ANKLE1: variants seen among roughly 807,000 people sequenced by gnomAD.
The protein encoded by ANKLE1 is ankyrin repeat and LEM domain containing 1, also known as structure-specific endonuclease ANKLE1.
In ANKLE1, 59 loss-of-function variants were observed where a neutral mutation model predicts 56.2. The ratio of observed to expected loss-of-function variants is 1.05; its 90% CI spans 0.85 to 1.30. The LOEUF is 1.30. Ranked by LOEUF, ANKLE1 falls within the 50% of genes most tolerant of loss-of-function variation. ANKLE1 has a pLI of 0.00. For synonymous variants in ANKLE1, 341 were observed against 352.9 expected, an observed-to-expected ratio of 0.97 and a Z score of 0.38; for missense variants, 771 against 816.1, an observed-to-expected ratio of 0.94 and a Z score of 0.67.
chr19:17,283,367 C>A lies in ANKLE1; in HGVS notation c.603C>A (p.Asp201Glu), dbSNP rs778162392. Residue 201 changes from aspartate to glutamate, a missense_variant, in exon 5 of 9, where the codon GAC becomes GAA. Physicochemically the swap from Asp to Glu is conservative, Grantham distance 45 (BLOSUM62 2). Transcript: ENST00000404085. ...PSLPVPLETVDKHGSSASPPG... is the reference protein window; with the variant it reads ...PSLPVPLETVEKHGSSASPPG... ...TCCCTGTTCCCCTTGAAACTGTGGA[C>A]AAACATGGGAGCTCGGCGTCCCCTC... The A allele has an allele frequency of 5.5e-5, 89 of 1,613,622 alleles. No homozygotes were observed. Among genetic ancestry groups the A allele is most frequent in the Non-Finnish European group, 7.4e-5 (87 of 1,179,890 alleles).
At chr19:17,285,072 CA>C (rs1205392752) in intron 6 of ANKLE1, among the ~76,000 whole-genome samples, 1 of 151,950 alleles carries the variant, frequency 6.6e-6, no homozygotes, top group Non-Finnish European at 1.5e-5. Context: ...CCAGCGTGTT[CA>C]ACGTGGAGAA....
At position 17,287,103 on chromosome 19, in the gene ANKLE1, T is replaced by C. The variant is rs1212458498; in HGVS notation, c.*551T>C. 1 of 152,882 alleles carries C rather than the reference T, an allele frequency of 6.5e-6. No individual in the cohort carries two copies. The highest frequency in any genetic ancestry group is 2.4e-5 in the African/African-American group (1 of 41,442). The allele number at this position is 152,882 out of a possible 1,614,324, so 9.5% of individuals were successfully genotyped here. On this transcript the variant is annotated 3_prime_UTR_variant, in exon 9 of 9. Transcript: ENST00000404085. ...AAGAGTGACCTCTGGTCGTCCTCAT[T>C]GCTACACTCCCACCAGCGCCATGAC...
intron 8 of ANKLE1, 79 bp from the exon 9 acceptor site, chr19:17,286,301 C>T (rs897621896): frequency 1.0e-5 from 15 of 1,495,096 alleles, no homozygotes; most frequent in Middle Eastern, 2.5e-4. Context: ...CATACCCAGC[C>T]GCCTGCTGTC....
chr19:17,286,396 C>A lies in ANKLE1; in HGVS notation c.1692C>A (p.Thr564=). 6.3e-7 allele frequency: 1 copy of A among 1,574,990 alleles called. No homozygotes were observed. The highest frequency in any genetic ancestry group is 1.1e-5 in the South Asian group (1 of 87,158). The part of the protein sequence containing the change: ...IVEALGIQTL[T]NQKQGHCYGV... ...TTTCTCCAGGGATCCAGACGCTCAC[C>A]AACCAGAAGCAAGGGCACTGCTATG... Residue 564 remains threonine (T), a synonymous_variant, in exon 9 of 9, where the codon ACC becomes ACA. Transcript: ENST00000404085.
rs68096250 is a variant in ANKLE1 at position 17,286,668 on chromosome 19, G to GTT, written c.*117_*118insTT. 1,547 of 1,255,462 alleles carry GTT rather than the reference G, an allele frequency of 1.2e-3. 24 individuals carry two copies. In the African/African-American group the frequency reaches 0.022, roughly 18 times the overall value. The allele number at this position is 1,255,462 out of a possible 1,614,324, so 77.8% of individuals were successfully genotyped here. A position where few individuals can be genotyped will look rare whatever the true frequency, so the allele number is the denominator to read the frequency against. ...AAGGGGTGTGTGTGTGTGTGTGTGT[G>GTT]TGTGTGTGTGTGTGTGTGTGTGTTT... is the stretch of plus-strand genomic sequence containing the variant. On this transcript the variant is annotated 3_prime_UTR_variant, in exon 9 of 9. Coordinates refer to ENST00000404085, the MANE Select transcript of ANKLE1 (RefSeq NM_152363.6).
rs2074044347 is a variant in ANKLE1 at position 17,287,212 on chromosome 19, C to T, written c.*660C>T. On this transcript the variant is annotated 3_prime_UTR_variant, in exon 9 of 9. Transcript: ENST00000404085. ...TTGGGAGGCCAAGGAGGGCAGATCA[C>T]CTAAGGTCAGGAGTTCAAGACCAGC... The T allele has an allele frequency of 6.6e-6, 1 of 152,210 alleles. No individual in the cohort carries two copies. Among genetic ancestry groups the T allele is most frequent in the African/African-American group, 2.4e-5 (1 of 41,428 alleles). 9.4% of individuals were successfully genotyped at this position (152,210 alleles called of 1,614,324 possible).
At chr19:17,283,147 C>T (rs1186912031) in intron 4 of ANKLE1, 78 bp from the exon 5 acceptor site, 12 of 1,554,034 alleles carry the variant, frequency 7.7e-6, no homozygotes, top group Non-Finnish European at 1.7e-6. Context: ...ACTCTGATCT[C>T]CTTTTTCTGT....
chr19:17,282,230 G>A (rs1395660415), intron 2 of ANKLE1, 21 bp downstream of exon 2: 8 of 1,465,366 alleles, frequency 5.5e-6, no homozygotes, highest in African/African-American at 1.4e-5. Flanking sequence ...GCCTGGGTCC[G>A]GGGCGGGGTC....
chr19:17,282,289 G>C (rs1332144797), intron 2 of ANKLE1, 80 bp downstream of exon 2: 1 of 1,285,712 alleles, frequency 7.8e-7, no homozygotes, highest in African/African-American at 3.6e-5. Flanking sequence ...CCATCATCCC[G>C]GGCCAGGCCT....
rs2073999717 is a variant in ANKLE1 at position 17,283,598 on chromosome 19, G to T, written c.834G>T (p.Leu278=). 2 of 1,612,160 alleles carry T rather than the reference G, an allele frequency of 1.2e-6. No homozygotes were observed. Among genetic ancestry groups the T allele is most frequent in the East Asian group, 4.5e-5 (2 of 44,846 alleles). ...AACTGAATGCCCGTCTGCAGGCCCT[G>T]ACTCTGACCCCACCAAATGCTGCTG... is the stretch of plus-strand genomic sequence containing the variant. ...EAELNARLQA[L]TLTPPNAAGF... is the part of the protein sequence containing the mutation. The change falls in exon 5 of 9, where the codon CTG becomes CTT. Residue 278 remains leucine (L), a synonymous_variant. Transcript: ENST00000404085.
chr19:17,282,324 G>C (rs1180425096), intron 2 of ANKLE1, 115 bp downstream of exon 2: 1 of 1,383,890 alleles, frequency 7.2e-7, no homozygotes, highest in Non-Finnish European at 9.5e-7. Context: ...GGGGTTTAGG[G>C]GATCTTGGGG....
rs907964989 is a variant in ANKLE1 at position 17,285,549 on chromosome 19, C to T, written c.1495C>T (p.Leu499Phe). The part of the protein sequence containing the change: ...KGTRARPYVH[L>F]WEALGHHGRS... The stretch of plus-strand genomic sequence containing the variant: ...GACGAGGGCCCGGCCATATGTCCAC[C>T]TCTGGGAGGCCCTTGGTCACCATGG... Residue 499 changes from leucine to phenylalanine, a missense_variant, in exon 7 of 9, where the codon CTC becomes TTC. Coordinates refer to ENST00000404085, the MANE Select transcript of ANKLE1 (RefSeq NM_152363.6). 6.2e-7 allele frequency: 1 copy of T among 1,613,940 alleles called. No individual in the cohort carries two copies. Among genetic ancestry groups the T allele is most frequent in the Admixed American group, 1.7e-5 (1 of 60,010 alleles).
chr19:17,284,236 C>A lies in ANKLE1; in HGVS notation c.1346C>A (p.Ser449Tyr). The A allele has an allele frequency of 6.2e-7, 1 of 1,613,814 alleles. No individual in the cohort carries two copies. The highest frequency in any genetic ancestry group is 1.3e-5 in the African/African-American group (1 of 75,040). The change falls in exon 6 of 9, where the codon TCT (serine) becomes TAT (tyrosine). Residue 449 changes from serine to tyrosine, a missense_variant. Ser to Tyr is a moderately radical substitution (Grantham distance 144). Transcript: ENST00000404085. The stretch of plus-strand genomic sequence containing the variant: ...AGGTGGCGGGAGGGGGTCGTGAAGT[C>A]TAGCTTCACCTATCTGCTGCTGGAC... ...ARRWREGVVKSSFTYLLLDPR... is the reference protein window; with the variant it reads ...ARRWREGVVKYSFTYLLLDPR...
chr19:17,285,593 G>A lies in ANKLE1; in HGVS notation c.1536+3G>A, dbSNP rs939537179. 1 of 1,613,946 alleles carries A rather than the reference G, an allele frequency of 6.2e-7. No homozygotes were observed. Among genetic ancestry groups the A allele is most frequent in the African/African-American group, 1.3e-5 (1 of 75,050 alleles). On this transcript the variant is annotated splice_donor_region_variant and intron_variant, in intron 7 of 8. Coordinates refer to ENST00000404085, the MANE Select transcript of ANKLE1 (RefSeq NM_152363.6). ...ACCATGGGCGGTCAAGAAAACAGGT[G>A]TGAGGACAGGGATCAGGGTTCAGCG...
rs547043530 is a variant in ANKLE1, at chr19:17,285,774, G to A, written c.1630G>A (p.Ala544Thr). The change falls in exon 8 of 9, where the codon GCT (alanine) becomes ACT (threonine). Residue 544 changes from alanine to threonine, a missense_variant. Ala to Thr is a moderately conservative substitution (Grantham distance 58, BLOSUM62 0). Transcript: ENST00000404085. ...CCTACATTGCTTCCAGCACGTGGTCGCTGTGGAGGCTTATACACGGGAGGC... is the reference window on the plus strand; with the variant it reads ...CCTACATTGCTTCCAGCACGTGGTCACTGTGGAGGCTTATACACGGGAGGC... ...VSLHCFQHVVAVEAYTREACI... is the reference protein window; with the variant it reads ...VSLHCFQHVVTVEAYTREACI... 2.0e-5 allele frequency: 33 copies of A among 1,613,884 alleles called. No homozygotes were observed. Among genetic ancestry groups the A allele is most frequent in the Admixed American group, 8.3e-5 (5 of 59,996 alleles).
chr19:17,285,954 C>T, intron 8 of ANKLE1, 135 bp downstream of exon 8: 1 of 1,194,100 alleles, frequency 8.4e-7, no homozygotes, highest in Non-Finnish European at 1.2e-6. Flanking sequence ...CCTGCACATG[C>T]ATGTATTTTG....
At chr19:17,282,309 AG>A (rs2073982287) in intron 2 of ANKLE1, 100 bp downstream of exon 2, 3 of 1,292,544 alleles carry the variant, frequency 2.3e-6, no homozygotes, top group South Asian at 3.1e-5. Context: ...TCGGGGCTCG[AG>A]GGTGGGGTTT....
rs764734099 is a variant in ANKLE1, at chr19:17,286,361, C to G, written c.1676-19C>G. ...TGTCCCCATGGCTGCCCCTGTGACC[C>G]CACATCCAATTTCTCCAGGGATCCA... On this transcript the variant is annotated intron_variant, in intron 8 of 8. Coordinates refer to ENST00000404085, the MANE Select transcript of ANKLE1 (RefSeq NM_152363.6). 2.0e-5 allele frequency: 31 copies of G among 1,538,342 alleles called. No individual in the cohort carries two copies. In the Middle Eastern group the frequency reaches 9.3e-4, roughly 46 times the overall value.
At chr19:17,282,274 G>T in intron 2 of ANKLE1, 65 bp downstream of exon 2, 1 of 1,415,902 alleles carries the variant, frequency 7.1e-7, no homozygotes, top group Admixed American at 3.0e-5. Flanking sequence ...CCGGGAAGGG[G>T]CGCCCCATCA....
Sources: allele counts gnomAD v4.1 joint callset (sites outside exome capture counted in the v4.1 genomes callset), GRCh38; gene constraint gnomAD v4.1.1; transcripts MANE v1.5; gene names NCBI Gene and HGNC (gene_info 2026-07-23, HGNC 2026-07-21).